The following MAGI3 variants were observed in gnomAD, a reference collection of about 807,000 sequenced individuals.
MAGI3 encodes membrane-associated guanylate kinase, WW and PDZ domain-containing protein 3.
MAGI3 carries 43 observed loss-of-function variants against 121.8 expected under a neutral mutation model. The ratio of observed to expected loss-of-function variants is 0.35; its 90% confidence interval spans 0.28 to 0.46. MAGI3 has a LOEUF of 0.46. Among genes scored for constraint, MAGI3 ranks in the 20% least tolerant of loss-of-function variants. MAGI3 has a pLI of 1.00. For synonymous variants in MAGI3, 553 were observed against 639.3 expected, an observed-to-expected ratio of 0.86 and a Z score of 2.04; for missense variants, 1,547 against 1,797.3, an observed-to-expected ratio of 0.86 and a Z score of 2.52.
At chr1:113,497,138 G>A (rs976971764) in intron 1 of MAGI3, among the ~76,000 whole-genome samples, 6 of 152,168 alleles carry the variant, frequency 3.9e-5, no homozygotes, top group Non-Finnish European at 8.8e-5. Flanking sequence ...ATGCCTGTAA[G>A]TCCCAGCTAC....
Position 113,430,186 on chromosome 1 carries a change from G to A in MAGI3, c.316+38837G>A, listed in dbSNP as rs1344569813. Among the ~76,000 whole-genome samples the A allele has an allele frequency of 7.2e-5, 11 of 152,220 alleles. No homozygotes were observed. The East Asian group carries it at 2.1e-3, about 29-fold the overall frequency. ...TTTTTTCTTCTTATTTTATCAGAGT[G>A]GAGTCTATGAAGGTGTTAGGACCAG... On this transcript the variant is annotated intron_variant, in intron 1 of 20. Coordinates refer to ENST00000307546, the MANE Select transcript of MAGI3 (RefSeq NM_001142782.2).
At chr1:113,559,960 A>G (rs1660155129) in intron 2 of MAGI3, among the ~76,000 whole-genome samples, 2 of 152,216 alleles carry the variant, frequency 1.3e-5, no homozygotes, top group Admixed American at 1.3e-4. Flanking sequence ...AATAGTAGGC[A>G]GATCATTGAG....
chr1:113,394,731 C>T lies in MAGI3; in HGVS notation c.316+3382C>T, dbSNP rs573385423. Among the ~76,000 whole-genome samples, 15 of 152,188 alleles carry T rather than the reference C, an allele frequency of 9.9e-5. No individual in the cohort carries two copies. The South Asian group carries it at 3.1e-3, about 32-fold the overall frequency. Reference sequence around the variant, plus strand: ...GTATTTTATTCCAGAGATTAAGTATCGGTACAATAAATACATGAAATCATT... The same window carrying T: ...GTATTTTATTCCAGAGATTAAGTATTGGTACAATAAATACATGAAATCATT... On this transcript the variant is annotated intron_variant, in intron 1 of 20. Coordinates refer to ENST00000307546, the MANE Select transcript of MAGI3 (RefSeq NM_001142782.2).
chr1:113,673,614 T>C, intron 19 of MAGI3, 149 bp downstream of exon 19: 1 of 832,722 alleles, frequency 1.2e-6, no homozygotes, highest in Non-Finnish European at 1.8e-6. Flanking sequence ...AGGCAAATGC[T>C]TGTCATTTTG....
At chr1:113,449,808 G>T in intron 1 of MAGI3, 2 of 1,150,166 alleles carry the variant, frequency 1.7e-6, no homozygotes, top group Admixed American at 1.7e-5. Flanking sequence ...TGAGAAATGG[G>T]GCACACTCAC....
At chr1:113,531,150 TTTAAG>T (rs1448690076) in intron 1 of MAGI3, among the ~76,000 whole-genome samples, 1 of 152,190 alleles carries the variant, frequency 6.6e-6, no homozygotes, top group South Asian at 2.1e-4. Flanking sequence ...TTTCTTTTTT[TTTAAG>T]TTAATTTTCA....
rs1391314751 is a variant in MAGI3, at chr1:113,684,033, G to C, written c.*19G>C. 1 of 1,469,022 alleles carries C rather than the reference G, an allele frequency of 6.8e-7. No homozygotes were observed. Among genetic ancestry groups the C allele is most frequent in the South Asian group, 1.5e-5 (1 of 67,256 alleles). The allele number at this position is 1,469,022 out of a possible 1,614,324, so 91.0% of individuals were successfully genotyped here. ...GCAGTAACCTTTAGTATAAAACAAA[G>C]AAAAACAAGTTGTAATCTTTTCTTA... On this transcript the variant is annotated 3_prime_UTR_variant, in exon 21 of 21. Transcript: ENST00000307546.
intron 1 of MAGI3, among the ~76,000 whole-genome samples, chr1:113,513,775 A>G (rs1657740456): frequency 6.6e-6 from 1 of 152,194 alleles, no homozygotes; most frequent in African/African-American, 2.4e-5. Flanking sequence ...AAAATTGACA[A>G]ATGGGATCTA....
chr1:113,640,737 C>T (rs923199699), intron 9 of MAGI3, among the ~76,000 whole-genome samples: 1 of 150,958 alleles, frequency 6.6e-6, no homozygotes, highest in South Asian at 2.1e-4. Flanking sequence ...GGTTGGGGGA[C>T]GAGGAGAGGG....
intron 1 of MAGI3, among the ~76,000 whole-genome samples, chr1:113,457,467 A>G (rs1441685395): frequency 6.6e-6 from 1 of 152,222 alleles, no homozygotes; most frequent in African/African-American, 2.4e-5. Context: ...GATAAGAAAT[A>G]CTGAATTAAG....
chr1:113,626,563 A>G (rs949315888), intron 9 of MAGI3, among the ~76,000 whole-genome samples: 1 of 152,186 alleles, frequency 6.6e-6, no homozygotes, highest in Non-Finnish European at 1.5e-5. Context: ...GGTAGAATTC[A>G]GCAGTAAAGC....
chr1:113,507,335 T>C (rs1164822595), intron 1 of MAGI3, among the ~76,000 whole-genome samples: 3 of 152,188 alleles, frequency 2.0e-5, no homozygotes, highest in African/African-American at 7.2e-5. Flanking sequence ...TATTTTATAG[T>C]ATCCTCTCTA....
At chr1:113,553,991 G>A (rs1412843558) in intron 2 of MAGI3, among the ~76,000 whole-genome samples, 1 of 152,236 alleles carries the variant, frequency 6.6e-6, no homozygotes, top group Non-Finnish European at 1.5e-5. Flanking sequence ...CCTGGTGACA[G>A]AGCGAGACTA....
intron 1 of MAGI3, among the ~76,000 whole-genome samples, chr1:113,511,660 G>A (rs964430764): frequency 2.6e-5 from 4 of 152,212 alleles, no homozygotes; most frequent in Non-Finnish European, 5.9e-5. Context: ...TAATTTCCAT[G>A]TATTAACTTT....
At chr1:113,490,501 T>C (rs1412591906) in intron 1 of MAGI3, among the ~76,000 whole-genome samples, 1 of 152,192 alleles carries the variant, frequency 6.6e-6, no homozygotes, top group Admixed American at 6.5e-5. Flanking sequence ...CCAGGGTCTG[T>C]GACAGTGTCA....
chr1:113,421,592 A>G (rs1652736059), intron 1 of MAGI3, among the ~76,000 whole-genome samples: 1 of 152,194 alleles, frequency 6.6e-6, no homozygotes, highest in Non-Finnish European at 1.5e-5. Context: ...TTATGTATTC[A>G]TTCATGAATT....
rs779008873 is a variant in MAGI3, at chr1:113,683,760, G to A, written c.4192G>A (p.Asp1398Asn). 26 of 1,603,262 alleles carry A rather than the reference G, an allele frequency of 1.6e-5. No homozygotes were observed. In the African/African-American group the frequency reaches 2.0e-4, roughly 12 times the overall value. The change falls in exon 21 of 21, where the codon GAT becomes AAT. Residue 1398 changes from aspartate (D) to asparagine (N), a missense_variant. Coordinates refer to ENST00000307546, the MANE Select transcript of MAGI3 (RefSeq NM_001142782.2). ...CACAGGAGAAACAAGTTCTAGTAACGATAAAATAGGAGAAAATGTCCAGCT... is the reference window on the plus strand; with the variant it reads ...CACAGGAGAAACAAGTTCTAGTAACAATAAAATAGGAGAAAATGTCCAGCT... ...VTTGETSSSN[D>N]KIGENVQLSE...
At chr1:113,616,105 T>C (rs1320271907) in intron 7 of MAGI3, among the ~76,000 whole-genome samples, 1 of 152,210 alleles carries the variant, frequency 6.6e-6, no homozygotes, top group African/African-American at 2.4e-5. Context: ...TATAAAACCT[T>C]GAGCTGAATG....
chr1:113,436,811 CTTTTTTTT>C (rs1026496354), intron 1 of MAGI3, among the ~76,000 whole-genome samples: 2 of 124,132 alleles, frequency 1.6e-5, no homozygotes, highest in Non-Finnish European at 3.5e-5. Context: ...TAAAGACAGT[CTTTTTTTT>C]TTTTTTTTTT....
Sources: allele counts gnomAD v4.1 joint callset (sites outside exome capture counted in the v4.1 genomes callset), GRCh38; gene constraint gnomAD v4.1.1; transcripts MANE v1.5; gene names NCBI Gene and HGNC (gene_info 2026-07-23, HGNC 2026-07-21).